Variants in APC2 observed in about 807,000 individuals in gnomAD.
APC2 encodes the protein APC regulator of Wnt signaling pathway 2.
APC2 carries 41 observed loss-of-function variants against 72.5 expected under a neutral mutation model. The observed-to-expected ratio is 0.57, with a 90% CI of 0.44 to 0.73. APC2 has a LOEUF of 0.73. Ranked by LOEUF, APC2 falls within the 30% of genes least tolerant of loss-of-function variation. The pLI, the probability that APC2 is intolerant of heterozygous loss-of-function variation, is 0.00. For missense variants in APC2, 3,729 were observed against 3,403.4 expected, an observed-to-expected ratio of 1.10 and a Z score of -2.38; for synonymous variants, 1,898 against 1,612.0, an observed-to-expected ratio of 1.18 and a Z score of -4.25.
rs1238438622 is a variant in APC2 at position 1,472,804 on chromosome 19, ACAAGGGGTCC to A, written c.*2592_*2601del. On this transcript the variant is annotated 3_prime_UTR_variant, in exon 15 of 15. Coordinates refer to ENST00000590469, the MANE Select transcript of APC2 (RefSeq NM_005883.3). ...CACCTGGCCTCTCTGCACCAGGGTG[ACAAGGGGTCC>A]TCGTCTGCCCCCCAATGCTCCAGGG... The A allele has an allele frequency of 6.6e-6, 1 of 152,500 alleles. No individual in the cohort carries two copies. The highest frequency in any genetic ancestry group is 2.4e-5 in the African/African-American group (1 of 41,450). The allele number at this position is 152,500 out of a possible 1,614,324, so 9.4% of individuals were successfully genotyped here. A position where few individuals can be genotyped will look rare whatever the true frequency, so the allele number is the denominator to read the frequency against.
At chr19:1,458,149 A>AT in intron 10 of APC2, 89 bp downstream of exon 10, 1 of 1,253,202 alleles carries the variant, frequency 8.0e-7, no homozygotes, top group African/African-American at 1.5e-5. Flanking sequence ...AGGCTGGGTC[A>AT]TCTGAGCTTG....
At position 1,469,126 on chromosome 19, in the gene APC2, C is replaced by T. The variant is rs1316189124; in HGVS notation, c.5825C>T (p.Pro1942Leu). Residue 1942 changes from proline to leucine, a missense_variant, in exon 15 of 15, where the codon CCA (proline) becomes CTA (leucine). Transcript: ENST00000590469. ...CAGAGGCCGGCCCGGCGTGGGCCGC[C>T]ACCGCTGGCTCGGGCAGTCCCGGAG... Reference protein sequence around the residue: ...FMQRPARRGPPPLARAVPEPG... With the variant: ...FMQRPARRGPLPLARAVPEPG... 7 of 1,349,856 alleles carry T rather than the reference C, an allele frequency of 5.2e-6. No individual in the cohort carries two copies. Among genetic ancestry groups the T allele is most frequent in the Non-Finnish European group, 5.8e-6 (6 of 1,043,080 alleles). The allele number at this position is 1,349,856 out of a possible 1,614,324, so 83.6% of individuals were successfully genotyped here.
intron 9 of APC2, 142 bp downstream of exon 9, chr19:1,457,385 T>A: frequency 8.1e-7 from 1 of 1,235,160 alleles, no homozygotes; most frequent in Non-Finnish European, 1.1e-6. Context: ...GGCCGAGGCC[T>A]GTGGGGGCAT....
Position 1,469,730 on chromosome 19 carries a change from C to A in APC2, c.6429C>A (p.Gly2143=). ...PRPLPRVAAP[G]TTWRRIRDED... ...CGCTCCCCAGGGTGGCCGCGCCGGG[C>A]ACGACCTGGCGGCGCATCCGAGATG... The change falls in exon 15 of 15, where the codon GGC becomes GGA. Residue 2143 remains glycine, a synonymous_variant. Coordinates refer to ENST00000590469, the MANE Select transcript of APC2 (RefSeq NM_005883.3). 6.8e-7 allele frequency: 1 copy of A among 1,469,880 alleles called. No individual in the cohort carries two copies. Among genetic ancestry groups the A allele is most frequent in the South Asian group, 1.3e-5 (1 of 77,298 alleles). The allele number at this position is 1,469,880 out of a possible 1,614,324, so 91.1% of individuals were successfully genotyped here.
chr19:1,460,867 G>T lies in APC2; in HGVS notation c.1521+10G>T. ...TGAGGAGCTCCACCAGGTACAGGGC[G>T]GGGTGCTGGGAAAGCCTTCCAGGGT... On this transcript the variant is annotated intron_variant, in intron 12 of 14. Transcript: ENST00000590469. The T allele has an allele frequency of 1.2e-6, 2 of 1,613,112 alleles. No homozygotes were observed. Among genetic ancestry groups the T allele is most frequent in the Non-Finnish European group, 1.7e-6 (2 of 1,179,838 alleles).
intron 10 of APC2, among the ~76,000 whole-genome samples, chr19:1,459,167 C>T (rs2083885457): frequency 6.6e-6 from 1 of 152,308 alleles, no homozygotes; most frequent in African/African-American, 2.4e-5. Context: ...GCGTGACATC[C>T]TCAAGGTGCA....
In APC2 at chr19:1,455,164, T is replaced by C. The variant is rs774297082; in HGVS notation, c.429T>C (p.Asn143=). The C allele has an allele frequency of 5.1e-6, 8 of 1,575,102 alleles. No homozygotes were observed. In the Admixed American group the frequency reaches 1.6e-4, roughly 31 times the overall value. ...ELDRERCFLL[N]EIEKEEKEKL... is the part of the protein sequence containing the mutation. ...TGCTCCCCAGGTGTTTCCTGCTGAA[T>C]GAGATTGAGAAGGAGGAGAAGGAGA... Residue 143 remains asparagine, a synonymous_variant, in exon 5 of 15, where the codon AAT becomes AAC. Coordinates refer to ENST00000590469, the MANE Select transcript of APC2 (RefSeq NM_005883.3).
chr19:1,455,615 TGGGTTGGG>T, intron 6 of APC2, 115 bp downstream of exon 6: 1 of 1,020,132 alleles, frequency 9.8e-7, no homozygotes, highest in Non-Finnish European at 1.4e-6. Context: ...TTATGCCTCC[TGGGTTGGG>T]GGGCGCGGGT....
intron 13 of APC2, 157 bp from the exon 14 acceptor site, chr19:1,461,806 C>T (rs1460625719): frequency 1.6e-6 from 1 of 634,958 alleles, no homozygotes; most frequent in Non-Finnish European, 2.7e-6. Context: ...GAGTCGAGAT[C>T]TCGCCACTGC....
chr19:1,460,582 A>G (rs1024348598), intron 11 of APC2, among the ~76,000 whole-genome samples, 198 bp from the exon 12 acceptor site: 2 of 152,174 alleles, frequency 1.3e-5, no homozygotes, highest in Admixed American at 1.3e-4. Flanking sequence ...AGGGGGCCTC[A>G]GGGCCCCGAG....
chr19:1,467,508 G>C lies in APC2; in HGVS notation c.4207G>C (p.Ala1403Pro). The C allele has an allele frequency of 6.8e-7, 1 of 1,464,442 alleles. No individual in the cohort carries two copies. Among genetic ancestry groups the C allele is most frequent in the Non-Finnish European group, 9.0e-7 (1 of 1,110,534 alleles). The allele number at this position is 1,464,442 out of a possible 1,614,324, so 90.7% of individuals were successfully genotyped here. A position where few individuals can be genotyped will look rare whatever the true frequency, so the allele number is the denominator to read the frequency against. Residue 1403 changes from alanine to proline, a missense_variant, in exon 15 of 15, where the codon GCC becomes CCC. Transcript: ENST00000590469. Reference sequence around the variant, plus strand: ...GGGCACGCCGGTCAACTTCTCTAGCGCCGCCTCGCTCAGCGACGAGACGCT... The same window carrying C: ...GGGCACGCCGGTCAACTTCTCTAGCCCCGCCTCGCTCAGCGACGAGACGCT... ...AEGTPVNFSS[A>P]ASLSDETLQG...
Position 1,453,658 on chromosome 19 carries a change from G to A in APC2, c.413+47G>A, listed in dbSNP as rs1028632202. ...GCCTCGGGCAGCTGGAGCATGACTCGGTCCCCAGCGGGCTCTGCCCTCTAA... is the reference window on the plus strand; with the variant it reads ...GCCTCGGGCAGCTGGAGCATGACTCAGTCCCCAGCGGGCTCTGCCCTCTAA... On this transcript the variant is annotated intron_variant, in intron 4 of 14. Coordinates refer to ENST00000590469, the MANE Select transcript of APC2 (RefSeq NM_005883.3). 21 of 1,551,678 alleles carry A rather than the reference G, an allele frequency of 1.4e-5. No individual in the cohort carries two copies. In the East Asian group the frequency reaches 2.9e-4, roughly 21 times the overall value.
intron 10 of APC2, chr19:1,458,312 TTCCCTGGGGCTCAGAACAGG>T (rs1203440525): frequency 9.2e-6 from 5 of 542,248 alleles, no homozygotes; most frequent in African/African-American, 1.9e-5. Flanking sequence ...CAGCCCTAAG[TTCCCTGGGGCTCAGAACAGG>T]GAACGGACCA....
chr19:1,469,181 G>A lies in APC2; in HGVS notation c.5880G>A (p.Glu1960=), dbSNP rs2084085302. Residue 1960 remains glutamate (E), a synonymous_variant, in exon 15 of 15, where the codon GAG becomes GAA. Transcript: ENST00000590469. ...EPGPRGRAGT[E]AGPGARGGRL... Reference sequence around the variant, plus strand: ...GCCCCAGGGGCCGGGCGGGGACCGAGGCGGGCCCGGGGGCGCGCGGGGGCC... The same window carrying A: ...GCCCCAGGGGCCGGGCGGGGACCGAAGCGGGCCCGGGGGCGCGCGGGGGCC... 1 of 1,281,994 alleles carries A rather than the reference G, an allele frequency of 7.8e-7. No homozygotes were observed. The highest frequency in any genetic ancestry group is 9.8e-7 in the Non-Finnish European group (1 of 1,015,532). 79.4% of individuals were successfully genotyped at this position (1,281,994 alleles called of 1,614,324 possible). A position where few individuals can be genotyped will look rare whatever the true frequency, so the allele number is the denominator to read the frequency against.
chr19:1,453,797 C>T (rs1386627048), intron 4 of APC2, among the ~76,000 whole-genome samples, 186 bp downstream of exon 4: 1 of 152,214 alleles, frequency 6.6e-6, no homozygotes, highest in Non-Finnish European at 1.5e-5. Flanking sequence ...ACGTGGCCTC[C>T]CTCCCCCTCC....
intron 5 of APC2, 27 bp from the exon 6 acceptor site, chr19:1,455,357 C>A: frequency 6.2e-7 from 1 of 1,601,444 alleles, no homozygotes; most frequent in Non-Finnish European, 8.5e-7. Flanking sequence ...CGCCCCTCAC[C>A]GTGGCCCGCC....
chr19:1,450,125 T>A lies in APC2; in HGVS notation c.-232T>A. The A allele has an allele frequency of 1.0e-6, 1 of 984,924 alleles. No homozygotes were observed. The highest frequency in any genetic ancestry group is 1.7e-5 in the African/African-American group (1 of 57,302). 61.0% of individuals were successfully genotyped at this position (984,924 alleles called of 1,614,324 possible). On this transcript the variant is annotated 5_prime_UTR_variant, in exon 1 of 15. Coordinates refer to ENST00000590469, the MANE Select transcript of APC2 (RefSeq NM_005883.3). ...ATCCCGCATCCTCCCCCGCTCGCGG[T>A]GGTCTCGCCCAGCGCTAGGAGCGGC... is the stretch of plus-strand genomic sequence containing the variant.
At chr19:1,450,408 TCAGCATTGCC>T in intron 1 of APC2, 70 bp downstream of exon 1, 1 of 960,520 alleles carries the variant, frequency 1.0e-6, no homozygotes, top group Non-Finnish European at 1.2e-6. Flanking sequence ...TCCCTGGCTC[TCAGCATTGCC>T]CGTCAGCACA....
At chr19:1,454,017 C>G (rs1349744121) in intron 4 of APC2, among the ~76,000 whole-genome samples, 2 of 152,182 alleles carry the variant, frequency 1.3e-5, no homozygotes, top group Admixed American at 6.5e-5. Context: ...AGCGTGGGCT[C>G]AGGGCCAGCA....
Sources: gnomAD v4.1 joint callset for allele counts (sites outside exome capture counted in the v4.1 genomes callset) on GRCh38, gnomAD v4.1.1 for gene constraint, MANE v1.5 for transcripts, NCBI Gene and HGNC (gene_info 2026-07-23, HGNC 2026-07-21) for gene names.